ITGA1: variants seen among roughly 807,000 people sequenced by gnomAD.
ITGA1 encodes integrin alpha-1.
Under a neutral mutation model 145.9 loss-of-function variants are expected in ITGA1, and 85 were observed. The ratio of observed to expected loss-of-function variants is 0.58; its 90% CI spans 0.49 to 0.70. The LOEUF is 0.70. ITGA1 is among the 30% of genes least tolerant of loss of function. The pLI, the probability that ITGA1 is intolerant of heterozygous loss-of-function variation, is 0.00. For synonymous variants in ITGA1, 520 were observed against 495.3 expected (o/e 1.05, Z -0.66); for missense variants, 1,351 against 1,418.7 (o/e 0.95, Z 0.77).
chr5:52,953,348 G>C lies in ITGA1; in HGVS notation c.*897G>C, dbSNP rs1751254548. ...CCACTGAAATGCTGAAATTATCTTT[G>C]CTGAGCAGCTTTTGAATGCTAAGGG... On this transcript the variant is annotated 3_prime_UTR_variant, in exon 29 of 29. Transcript: ENST00000282588. 1 of 152,198 alleles carries C rather than the reference G, an allele frequency of 6.6e-6. No homozygotes were observed. The highest frequency in any genetic ancestry group is 1.5e-5 in the Non-Finnish European group (1 of 68,048). The allele number at this position is 152,198 out of a possible 1,614,324, so 9.4% of individuals were successfully genotyped here.
chr5:52,886,759 T>C (rs1202431146), intron 7 of ITGA1, among the ~76,000 whole-genome samples: 1 of 152,138 alleles, frequency 6.6e-6, no homozygotes, highest in African/African-American at 2.4e-5. Context: ...TTCAATTAAA[T>C]TCAAATTCGG....
chr5:52,849,427 C>T lies in ITGA1; in HGVS notation c.124C>T (p.Pro42Ser). 1 of 1,611,128 alleles carries T rather than the reference C, an allele frequency of 6.2e-7. No homozygotes were observed. Among genetic ancestry groups the T allele is most frequent in the Non-Finnish European group, 8.5e-7 (1 of 1,178,644 alleles). ...GAAAAATTCAATGACTTTCAGCGGC[C>T]CGGTGGAAGACATGTTTGGATATAC... ...DVKNSMTFSGPVEDMFGYTVQ... is the reference protein window; with the variant it reads ...DVKNSMTFSGSVEDMFGYTVQ... The change falls in exon 2 of 29, where the codon CCG (proline) becomes TCG (serine). Residue 42 changes from proline (P) to serine (S), a missense_variant. Coordinates refer to ENST00000282588, the MANE Select transcript of ITGA1 (RefSeq NM_181501.2).
chr5:52,887,760 T>C, intron 7 of ITGA1, 55 bp from the exon 8 acceptor site: 17 of 1,507,204 alleles, frequency 1.1e-5, no homozygotes, highest in Non-Finnish European at 1.5e-5. Flanking sequence ...TTTTTTACTT[T>C]GTCTATTGTA....
At chr5:52,815,772 G>A (rs6888466) in intron 1 of ITGA1, among the ~76,000 whole-genome samples, 39,014 of 152,122 alleles carry the variant, frequency 0.26, 5,357 homozygotes, top group Non-Finnish European at 0.3. Context: ...TCAAGAAGGT[G>A]CCTAATTGTA....
chr5:52,864,905 T>A, intron 4 of ITGA1, 54 bp downstream of exon 4: 1 of 1,549,136 alleles, frequency 6.5e-7, no homozygotes, highest in Non-Finnish European at 8.9e-7. Context: ...TCATTTTAAG[T>A]CTTTGTAAGA....
intron 1 of ITGA1, among the ~76,000 whole-genome samples, chr5:52,843,665 C>G (rs149422590): frequency 3.7e-4 from 56 of 152,284 alleles, no homozygotes; most frequent in African/African-American, 1.3e-3. Context: ...TGATTAAGAG[C>G]CATCATGAGA....
chr5:52,905,869 T>C lies in ITGA1; in HGVS notation c.1416T>C (p.Asp472=). ...AGGTCATTATCTACAGGATGGAAGA[T>C]GGAAACATCAAAATTCTCCAGACGC... ...TGQVIIYRME[D]GNIKILQTLS... is the part of the protein sequence containing the mutation. The change falls in exon 12 of 29, where the codon GAT becomes GAC. Residue 472 remains aspartate, a synonymous_variant. Coordinates refer to ENST00000282588, the MANE Select transcript of ITGA1 (RefSeq NM_181501.2). 1.9e-6 allele frequency: 3 copies of C among 1,613,490 alleles called. No individual in the cohort carries two copies. Among genetic ancestry groups the C allele is most frequent in the Non-Finnish European group, 2.5e-6 (3 of 1,179,612 alleles).
At chr5:52,832,905 G>A (rs1749098188) in intron 1 of ITGA1, among the ~76,000 whole-genome samples, 1 of 151,102 alleles carries the variant, frequency 6.6e-6, no homozygotes, top group South Asian at 2.1e-4. Context: ...AAAGCTTTGA[G>A]ATTGGGCTGG....
At chr5:52,792,534 T>G (rs1748262086) in intron 1 of ITGA1, among the ~76,000 whole-genome samples, 1 of 152,180 alleles carries the variant, frequency 6.6e-6, no homozygotes, top group African/African-American at 2.4e-5. Context: ...TTTTGAAGCA[T>G]GAGCTCTTGG....
chr5:52,856,003 C>G (rs1749506807), intron 2 of ITGA1, among the ~76,000 whole-genome samples: 1 of 152,148 alleles, frequency 6.6e-6, no homozygotes, highest in Non-Finnish European at 1.5e-5. Context: ...TCACTTATCT[C>G]AGAATATGCA....
intron 1 of ITGA1, among the ~76,000 whole-genome samples, chr5:52,844,953 T>G (rs906836685): frequency 6.6e-6 from 1 of 152,214 alleles, no homozygotes; most frequent in African/African-American, 2.4e-5. Context: ...AAGAACTGGA[T>G]GTAAACTATT....
At chr5:52,926,736 G>T (rs1750817754) in intron 19 of ITGA1, among the ~76,000 whole-genome samples, 1 of 151,972 alleles carries the variant, frequency 6.6e-6, no homozygotes, top group South Asian at 2.1e-4. Context: ...TAATGGCCTG[G>T]CAGAGAGGCA....
intron 6 of ITGA1, among the ~76,000 whole-genome samples, chr5:52,872,575 A>ATTTTTTTTTTTTTTGTTTTTT (rs1749793968): frequency 1.0e-5 from 1 of 98,372 alleles, no homozygotes; most frequent in Non-Finnish European, 2.0e-5. Flanking sequence ...GCCTCAGTCA[A>ATTTTTTTTTTTTTTGTTTTTT]TTTTTTTTTT....
intron 7 of ITGA1, 50 bp from the exon 8 acceptor site, chr5:52,887,765 A>C: frequency 6.5e-7 from 1 of 1,547,444 alleles, no homozygotes; most frequent in Non-Finnish European, 8.8e-7. Context: ...TACTTTGTCT[A>C]TTGTAAAGTG....
chr5:52,823,647 C>T (rs1748913982), intron 1 of ITGA1, among the ~76,000 whole-genome samples: 1 of 152,202 alleles, frequency 6.6e-6, no homozygotes, highest in South Asian at 2.1e-4. Context: ...GCAGAACCCA[C>T]ACCAGTTAAA....
intron 2 of ITGA1, among the ~76,000 whole-genome samples, chr5:52,853,711 G>A (rs1203300607): frequency 6.6e-6 from 1 of 152,166 alleles, no homozygotes; most frequent in Non-Finnish European, 1.5e-5. Flanking sequence ...GAAGCCACAT[G>A]CTTTCTCAGT....
intron 3 of ITGA1, among the ~76,000 whole-genome samples, chr5:52,862,075 G>T (rs1749614419): frequency 6.6e-6 from 1 of 151,630 alleles, no homozygotes; most frequent in African/African-American, 2.4e-5. Flanking sequence ...AAATTAAGCT[G>T]GGCATAGTGG....
intron 11 of ITGA1, chr5:52,903,003 T>G (rs1750340300): frequency 6.6e-6 from 1 of 152,216 alleles, no homozygotes; most frequent in South Asian, 2.1e-4. Flanking sequence ...TTCTTTCTTG[T>G]CTTTAGACAC....
chr5:52,917,871 A>G (rs1484293091), intron 15 of ITGA1, among the ~76,000 whole-genome samples: 2 of 152,194 alleles, frequency 1.3e-5, no homozygotes, highest in African/African-American at 4.8e-5. Flanking sequence ...TAACAGAAAA[A>G]AGAAAACCAC....
Sources: allele counts gnomAD v4.1 joint callset (sites outside exome capture counted in the v4.1 genomes callset), GRCh38; gene constraint gnomAD v4.1.1; transcripts MANE v1.5; gene names NCBI Gene and HGNC (gene_info 2026-07-23, HGNC 2026-07-21).